The following VAV2 variants were observed in gnomAD, a reference collection of about 807,000 sequenced individuals.
The protein encoded by VAV2 is guanine nucleotide exchange factor VAV2.
Under a neutral mutation model 132.5 loss-of-function variants are expected in VAV2, and 67 were observed. The ratio of observed to expected loss-of-function variants is 0.51; its 90% CI spans 0.42 to 0.62. VAV2 has a LOEUF of 0.62. Among genes scored for constraint, VAV2 ranks in the 20% least tolerant of loss-of-function variants. The probability of loss-of-function intolerance (pLI) is 0.00; values close to 1 mark genes in which losing one functional copy is unlikely to be tolerated. For missense variants in VAV2, 938 were observed against 1,153.6 expected (o/e 0.81, Z 2.71); for synonymous variants, 492 against 443.5 (o/e 1.11, Z -1.37).
At chr9:133,778,679 T>C in intron 22 of VAV2, 83 bp downstream of exon 22, 1 of 1,554,922 alleles carries the variant, frequency 6.4e-7, no homozygotes, top group Non-Finnish European at 8.7e-7. Flanking sequence ...CCTGGGGATG[T>C]GCAGGACTTT....
At position 133,834,502 on chromosome 9, in the gene VAV2, G is replaced by T. The variant is rs527760698; in HGVS notation, c.381-162C>A. Among the ~76,000 whole-genome samples the T allele has an allele frequency of 6.6e-6, 1 of 152,368 alleles. No homozygotes were observed. The highest frequency in any genetic ancestry group is 2.1e-4 in the South Asian group (1 of 4,832). On this transcript the variant is annotated intron_variant, in intron 3 of 29. Coordinates refer to ENST00000371850, the MANE Select transcript of VAV2 (RefSeq NM_001134398.2). The surrounding 1 kb of genome is among the most constrained non-coding windows in gnomAD (Gnocchi z 5.9). ...ACAGGGTGCGCGGACACTGATCGGA[G>T]TCACAGGACGAGCCAACTGGGCCAT...
intron 2 of VAV2, among the ~76,000 whole-genome samples, chr9:133,903,160 G>C (rs35894060): frequency 0.11 from 16,304 of 151,356 alleles, 900 homozygotes; most frequent in Admixed American, 0.13. Flanking sequence ...AAGAGAAGAC[G>C]CCGTCTGCAA....
intron 1 of VAV2, among the ~76,000 whole-genome samples, chr9:133,955,332 G>C (rs772645895): frequency 5.3e-5 from 8 of 151,704 alleles, no homozygotes; most frequent in Non-Finnish European, 8.8e-5. Flanking sequence ...CGAGGCTCCT[G>C]GCTGCGGAAG....
At chr9:133,971,316 C>T (rs1290801137) in intron 1 of VAV2, among the ~76,000 whole-genome samples, 3 of 152,132 alleles carry the variant, frequency 2.0e-5, no homozygotes, top group Non-Finnish European at 2.9e-5. Flanking sequence ...TGGGTCGCCA[C>T]GGCAGCCCAG....
Position 133,804,124 on chromosome 9 carries a change from A to T in VAV2, c.836+1957T>A, listed in dbSNP as rs1019420866. ...TCAGTCCAGAGCTCAGGAGCCATAC[A>T]GAGCAGGCACCCTATAAAAGCTTCA... On this transcript the variant is annotated intron_variant, in intron 9 of 29. Transcript: ENST00000371850. This position sits in a 1 kb window ranked among gnomAD's most constrained non-coding sequence, Gnocchi z 4.5. 1.3e-5 allele frequency among the ~76,000 whole-genome samples: 2 copies of T among 152,170 alleles called. No homozygotes were observed. The highest frequency in any genetic ancestry group is 2.9e-5 in the Non-Finnish European group (2 of 68,030).
At chr9:133,783,685 A>C in intron 18 of VAV2, 94 bp from the exon 19 acceptor site, 1 of 1,149,450 alleles carries the variant, frequency 8.7e-7, no homozygotes, top group Non-Finnish European at 1.3e-6. Flanking sequence ...ACCCAGGCTC[A>C]CCTGGCTGGC....
intron 3 of VAV2, among the ~76,000 whole-genome samples, chr9:133,851,888 CATGG>C (rs1179958105): frequency 9.4e-6 from 1 of 106,720 alleles, no homozygotes; most frequent in Admixed American, 9.0e-5. Flanking sequence ...TGGATGGATG[CATGG>C]ATGGATGGAT....
rs763737747 is a variant in VAV2, at chr9:133,770,476, T to A, written c.2249A>T (p.His750Leu). Reference protein sequence around the residue: ...LLELVEYYQCHSLKESFKQLD... With the variant: ...LLELVEYYQCLSLKESFKQLD... Reference sequence around the variant, plus strand: ...CTGCTTGAAGCTCTCCTTCAGTGAGTGGCACTGGTAGTACTCCACCAACTC... The same window carrying A: ...CTGCTTGAAGCTCTCCTTCAGTGAGAGGCACTGGTAGTACTCCACCAACTC... The change falls in exon 27 of 30, where the codon CAC becomes CTC. Residue 750 changes from histidine to leucine, a missense_variant. By Grantham distance (99) the His-to-Leu change is moderately conservative. Transcript: ENST00000371850. 6.2e-7 allele frequency: 1 copy of A among 1,614,074 alleles called. No individual in the cohort carries two copies. The highest frequency in any genetic ancestry group is 1.1e-5 in the South Asian group (1 of 91,082).
At chr9:133,792,101 G>C (rs375912970) in intron 12 of VAV2, among the ~76,000 whole-genome samples, 112 of 140,840 alleles carry the variant, frequency 8.0e-4, no homozygotes, top group African/African-American at 2.6e-3. Flanking sequence ...GTGTGTGAGC[G>C]GGCTGTACTG....
intron 2 of VAV2, among the ~76,000 whole-genome samples, chr9:133,920,191 C>T (rs140359889): frequency 3.9e-4 from 59 of 152,316 alleles, no homozygotes; most frequent in African/African-American, 1.3e-3. Flanking sequence ...GAGCCTCCTT[C>T]TAGTCAGCCC....
chr9:133,886,681 C>T (rs1838722889), intron 2 of VAV2, among the ~76,000 whole-genome samples: 1 of 152,232 alleles, frequency 6.6e-6, no homozygotes, highest in Admixed American at 6.5e-5. Context: ...CGCGGGGCAC[C>T]TGCACACATT....
chr9:133,775,715 A>G (rs972333979), intron 24 of VAV2, among the ~76,000 whole-genome samples: 29 of 126,584 alleles, frequency 2.3e-4, no homozygotes, highest in African/African-American at 7.5e-4. Flanking sequence ...CCTCAAATAT[A>G]CCACTTTTAT....
In VAV2 at chr9:133,788,546, A is replaced by AGGC. The variant is rs909594331; in HGVS notation, c.1275-63_1275-61dup. Reference sequence around the variant, plus strand: ...CAGCACTGTGTGCTCTGCTCCGAGGAGGCGGCAGGAGCTGAGCCTGAGGCT... The same window carrying AGGC: ...CAGCACTGTGTGCTCTGCTCCGAGGAGGCGGCGGCAGGAGCTGAGCCTGAGGCT... On this transcript the variant is annotated intron_variant, in intron 14 of 29. Transcript: ENST00000371850. The surrounding 1 kb of genome is among the most constrained non-coding windows in gnomAD (Gnocchi z 5.3). 7.0e-6 allele frequency: 11 copies of AGGC among 1,567,406 alleles called. No individual in the cohort carries two copies. The highest frequency in any genetic ancestry group is 1.3e-5 in the African/African-American group (1 of 74,094).
intron 12 of VAV2, 79 bp downstream of exon 12, chr9:133,795,589 T>C: frequency 1.3e-6 from 2 of 1,554,120 alleles, no homozygotes; most frequent in Non-Finnish European, 1.8e-6. Context: ...CTGAGGCTCG[T>C]TAATGAGCCC....
At chr9:133,901,559 CTACCT>C (rs1193004567) in intron 2 of VAV2, among the ~76,000 whole-genome samples, 2 of 152,250 alleles carry the variant, frequency 1.3e-5, no homozygotes, top group East Asian at 3.9e-4. Flanking sequence ...AAAAGTCCAA[CTACCT>C]TGCCAGAGAG....
chr9:133,871,046 G>A (rs998800025), intron 2 of VAV2, among the ~76,000 whole-genome samples: 2 of 150,136 alleles, frequency 1.3e-5, no homozygotes, highest in African/African-American at 2.5e-5. Flanking sequence ...GCAGACAGGT[G>A]GATAGATGAG....
chr9:133,876,271 G>A (rs1194489090), intron 2 of VAV2, among the ~76,000 whole-genome samples: 2 of 152,272 alleles, frequency 1.3e-5, no homozygotes, highest in Non-Finnish European at 2.9e-5. Context: ...ATATTGGAAA[G>A]GAGCATGCAT....
chr9:133,914,656 GAGGGGGGAGGGGAGGAAGC>G (rs1839994967), intron 2 of VAV2, among the ~76,000 whole-genome samples: 1 of 33,370 alleles, frequency 3.0e-5, no homozygotes, highest in Non-Finnish European at 6.3e-5. Context: ...GGAAGCAGGG[GAGGGGGGAGGGGAGGAAGC>G]AAGGGATGGG....
intron 2 of VAV2, among the ~76,000 whole-genome samples, chr9:133,905,297 G>A (rs1256883666): frequency 7.9e-5 from 12 of 151,686 alleles, no homozygotes; most frequent in Admixed American, 1.3e-4. Context: ...TTAGCCGGGC[G>A]TGGTGGCGGG....
Sources: gnomAD v4.1 joint callset for allele counts (sites outside exome capture counted in the v4.1 genomes callset) on GRCh38, gnomAD v4.1.1 for gene constraint, Gnocchi (gnomAD v3.1) non-coding constraint, MANE v1.5 for transcripts, NCBI Gene and HGNC (gene_info 2026-07-23, HGNC 2026-07-21) for gene names.